KLHL4: variants seen among roughly 807,000 people sequenced by gnomAD.
The protein encoded by KLHL4 is kelch-like protein 4.
In KLHL4, 17 loss-of-function variants were observed where a neutral mutation model predicts 45.8. That is an observed-to-expected ratio of 0.37 (90% confidence interval 0.25 to 0.56). The LOEUF (loss-of-function observed/expected upper bound fraction) is 0.56. KLHL4 is among the 20% of genes least tolerant of loss of function. KLHL4 has a pLI of 0.79. For synonymous variants in KLHL4, 224 were observed against 189.9 expected (o/e 1.18, Z -1.47); for missense variants, 544 against 544.9 (o/e 1.00, Z 0.02).
chrX:87,565,885 G>T (rs774810359), intron 1 of KLHL4, among the ~76,000 whole-genome samples: 1 of 108,969 alleles, frequency 9.2e-6, no homozygotes, highest in Non-Finnish European at 1.9e-5. Flanking sequence ...AATCTGAAAA[G>T]GCATATGACA....
At chrX:87,626,058 A>G (rs1922916256) in intron 6 of KLHL4, among the ~76,000 whole-genome samples, 1 of 112,178 alleles carries the variant, frequency 8.9e-6, no homozygotes, top group Non-Finnish European at 1.9e-5. Flanking sequence ...GCCATATTTT[A>G]TCTTTTCAAG....
At position 87,669,267 on chromosome X, in the gene KLHL4, A is replaced by G; in HGVS notation, c.*2733A>G. ...CGTGTTCACGATTCCCTACTCTGCA[A>G]CTCTCAGCATGCATCATGATGATTC... On this transcript the variant is annotated 3_prime_UTR_variant, in exon 11 of 11. Transcript: ENST00000373119. 5 of 1,193,046 alleles carry G rather than the reference A, an allele frequency of 4.2e-6. No homozygotes were observed. The African/African-American group carries it at 5.3e-5, about 13-fold the overall frequency.
chrX:87,557,810 G>T (rs976641743), intron 1 of KLHL4, among the ~76,000 whole-genome samples: 21 of 111,333 alleles, frequency 1.9e-4, no homozygotes, highest in African/African-American at 6.9e-4. Context: ...ATATAAATTT[G>T]AATTAGGAAG....
chrX:87,550,704 T>A (rs1931792993), intron 1 of KLHL4, among the ~76,000 whole-genome samples: 1 of 111,409 alleles, frequency 9.0e-6, no homozygotes, highest in Non-Finnish European at 1.9e-5. Context: ...GTTTAACATC[T>A]GCAATTCAAT....
intron 2 of KLHL4, 87 bp downstream of exon 2, chrX:87,614,131 T>A: frequency 1.4e-6 from 1 of 706,931 alleles, no homozygotes; most frequent in Non-Finnish European, 2.1e-6. Flanking sequence ...AACTGGAATA[T>A]TGTAAAAATA....
intron 1 of KLHL4, among the ~76,000 whole-genome samples, chrX:87,598,229 T>C (rs1022022544): frequency 6.3e-5 from 7 of 111,087 alleles, no homozygotes; most frequent in Non-Finnish European, 1.3e-4. Context: ...GTAAAATTAA[T>C]GTTTCTAATA....
intron 1 of KLHL4, among the ~76,000 whole-genome samples, chrX:87,551,131 C>T (rs970372086): frequency 1.8e-5 from 2 of 110,785 alleles, no homozygotes; most frequent in Non-Finnish European, 3.8e-5. Flanking sequence ...CTCCAAAAAG[C>T]TCCTAGAAAT....
In KLHL4 at chrX:87,517,848, C is replaced by A; in HGVS notation, c.-46C>A. The A allele has an allele frequency of 8.8e-7, 1 of 1,138,147 alleles. No homozygotes were observed. 93.8% of individuals were successfully genotyped at this position (1,138,147 alleles called of 1,213,427 possible). A position where few individuals can be genotyped will look rare whatever the true frequency, so the allele number is the denominator to read the frequency against. On this transcript the variant is annotated 5_prime_UTR_variant, in exon 1 of 11. Transcript: ENST00000373119. ...GAAAAACAAGAGATAACAAAGGCTC[C>A]GTTTCCTTTCTGTGAGAGAAGGCTT...
intron 1 of KLHL4, among the ~76,000 whole-genome samples, chrX:87,551,418 T>A (rs745391006): frequency 1.8e-5 from 2 of 111,179 alleles, no homozygotes; most frequent in African/African-American, 3.3e-5. Context: ...AAAATGACCA[T>A]ACTGCCAAAA....
At chrX:87,658,754 C>T (rs1924077814) in intron 9 of KLHL4, among the ~76,000 whole-genome samples, 1 of 111,284 alleles carries the variant, frequency 9.0e-6, no homozygotes, top group African/African-American at 3.3e-5. Context: ...CACTATTTTG[C>T]TACTTCCTCG....
intron 1 of KLHL4, among the ~76,000 whole-genome samples, chrX:87,598,489 T>C (rs1030307220): frequency 1.8e-5 from 2 of 111,500 alleles, no homozygotes; most frequent in East Asian, 5.6e-4. Flanking sequence ...ATAGGTCTTT[T>C]TAGAGCCACC....
At chrX:87,604,478 A>G (rs1922129086) in intron 1 of KLHL4, among the ~76,000 whole-genome samples, 2 of 108,840 alleles carry the variant, frequency 1.8e-5, no homozygotes, top group Non-Finnish European at 3.8e-5. Flanking sequence ...AGCTGGCGTG[A>G]GATAGTATCT....
At chrX:87,522,289 CAG>C (rs769399910) in intron 1 of KLHL4, among the ~76,000 whole-genome samples, 18 of 111,506 alleles carry the variant, frequency 1.6e-4, no homozygotes, top group Non-Finnish European at 2.6e-4. Flanking sequence ...GCACGCTCAA[CAG>C]AGAGAGTGGT....
chrX:87,616,536 C>T (rs2281310), intron 3 of KLHL4, among the ~76,000 whole-genome samples: 2 of 110,724 alleles, frequency 1.8e-5, no homozygotes, highest in African/African-American at 6.6e-5. Flanking sequence ...ATAATTCAGC[C>T]AGCTGGCTTG....
At chrX:87,647,612 C>G (rs1923679002) in intron 9 of KLHL4, among the ~76,000 whole-genome samples, 1 of 111,653 alleles carries the variant, frequency 9.0e-6, no homozygotes, top group Non-Finnish European at 1.9e-5. Flanking sequence ...GACCATTATT[C>G]TAAGTGAAGT....
intron 1 of KLHL4, among the ~76,000 whole-genome samples, chrX:87,606,693 G>C (rs1385526045): frequency 9.0e-6 from 1 of 110,656 alleles, no homozygotes; most frequent in East Asian, 2.8e-4. Context: ...TAATGAGTGA[G>C]AAAATTAAAT....
At chrX:87,538,461 A>G (rs1931480442) in intron 1 of KLHL4, among the ~76,000 whole-genome samples, 1 of 111,984 alleles carries the variant, frequency 8.9e-6, no homozygotes, top group South Asian at 3.7e-4. Flanking sequence ...GACATAAAAC[A>G]TAATTTAGGG....
intron 1 of KLHL4, among the ~76,000 whole-genome samples, chrX:87,570,634 T>C (rs1205558170): frequency 1.8e-5 from 2 of 110,733 alleles, no homozygotes; most frequent in African/African-American, 6.5e-5. Context: ...AGTTATCACA[T>C]GAATTCAAGC....
In KLHL4 at chrX:87,592,925, TC is replaced by T. The variant is rs547633747; in HGVS notation, c.423-20949del. ...GCAAGAGCCTTTTAACTTGATGGGA[TC>T]CCACTTGCCTATTCTTAAAGAATGG... is the stretch of plus-strand genomic sequence containing the variant. On this transcript the variant is annotated intron_variant, in intron 1 of 10. Transcript: ENST00000373119. 3.6e-3 allele frequency among the ~76,000 whole-genome samples: 403 copies of T among 111,968 alleles called. 4 individuals carry two copies. In the South Asian group the frequency reaches 0.048, roughly 13 times the overall value.
Sources: gnomAD v4.1 joint callset for allele counts (sites outside exome capture counted in the v4.1 genomes callset) on GRCh38, gnomAD v4.1.1 for gene constraint, MANE v1.5 for transcripts, NCBI Gene and HGNC (gene_info 2026-07-23, HGNC 2026-07-21) for gene names.